EMID1: variants seen among roughly 807,000 people sequenced by gnomAD.
EMID1 encodes EMI domain-containing protein 1.
In EMID1, 40 loss-of-function variants were observed where a neutral mutation model predicts 60.6. The ratio of observed to expected loss-of-function variants is 0.66; its 90% CI spans 0.51 to 0.86. EMID1 has a LOEUF of 0.86. EMID1 is among the 40% of genes least tolerant of loss of function. The pLI, the probability that EMID1 is intolerant of heterozygous loss-of-function variation, is 0.00. For missense variants in EMID1, 585 were observed against 597.1 expected, an observed-to-expected ratio of 0.98 and a Z score of 0.21; for synonymous variants, 242 against 231.0, an observed-to-expected ratio of 1.05 and a Z score of -0.43.
At chr22:29,254,112 A>T in intron 13 of EMID1, 91 bp from the exon 14 acceptor site, 2 of 1,595,864 alleles carry the variant, frequency 1.3e-6, no homozygotes, top group South Asian at 2.2e-5. Context: ...CTGCAGGTGC[A>T]TGTCCCGGGT....
chr22:29,227,381 C>T (rs1325886763), intron 5 of EMID1, among the ~76,000 whole-genome samples: 3 of 151,354 alleles, frequency 2.0e-5, no homozygotes, highest in Non-Finnish European at 2.9e-5. Context: ...TGAGCCGCTG[C>T]GCTGCCATAA....
At position 29,234,173 on chromosome 22, in the gene EMID1, G is replaced by A. The variant is rs985890643; in HGVS notation, c.1003G>A (p.Gly335Ser). The change falls in exon 11 of 15, where the codon GGC (glycine) becomes AGC (serine). Residue 335 changes from glycine (G) to serine (S), a missense_variant. Transcript: ENST00000334018. ...CCCCACTGGACCCAAAGGAATCTCT[G>A]GCCACCCAGGAGAGAAGGGCGAGAG... is the stretch of plus-strand genomic sequence containing the variant. ...PGPTGPKGIS[G>S]HPGEKGERGL... 5 of 1,602,388 alleles carry A rather than the reference G, an allele frequency of 3.1e-6. No individual in the cohort carries two copies. The highest frequency in any genetic ancestry group is 3.4e-5 in the Admixed American group (2 of 58,376).
intron 3 of EMID1, among the ~76,000 whole-genome samples, chr22:29,223,671 T>C (rs1161080643): frequency 6.6e-6 from 1 of 152,172 alleles, no homozygotes; most frequent in Non-Finnish European, 1.5e-5. Context: ...CCTCATTTCC[T>C]CCTAGCGGGG....
chr22:29,246,553 T>G (rs1369350990), intron 13 of EMID1, among the ~76,000 whole-genome samples: 2 of 151,066 alleles, frequency 1.3e-5, no homozygotes, highest in Non-Finnish European at 3.0e-5. Flanking sequence ...CAAAAGGGAG[T>G]GAGGAGTCAA....
At chr22:29,240,587 A>G (rs571446482) in intron 12 of EMID1, among the ~76,000 whole-genome samples, 1 of 152,332 alleles carries the variant, frequency 6.6e-6, no homozygotes, top group South Asian at 2.1e-4. Context: ...GAATGTGTCT[A>G]GACTTGCTGG....
chr22:29,236,428 C>T (rs1245434390), intron 12 of EMID1, among the ~76,000 whole-genome samples: 1 of 152,158 alleles, frequency 6.6e-6, no homozygotes, highest in Non-Finnish European at 1.5e-5. Context: ...CGGTGGCTCA[C>T]ACCTGTAATC....
At chr22:29,218,255 T>G (rs1280043463) in intron 3 of EMID1, among the ~76,000 whole-genome samples, 1 of 152,268 alleles carries the variant, frequency 6.6e-6, no homozygotes, top group African/African-American at 2.4e-5. Flanking sequence ...CACAGTCAGC[T>G]GCTCAAGAAA....
chr22:29,232,111 G>C (rs1046783746), intron 7 of EMID1, 145 bp from the exon 8 acceptor site: 14 of 857,042 alleles, frequency 1.6e-5, no homozygotes, highest in Non-Finnish European at 2.6e-5. Flanking sequence ...TCATCCCCCT[G>C]TTAGACTACC....
At chr22:29,254,395 G>T (rs1052657427) in intron 14 of EMID1, 108 bp downstream of exon 14, 1 of 1,078,204 alleles carries the variant, frequency 9.3e-7, no homozygotes. Context: ...GGCTGGAGAA[G>T]GTGCCTGCCC....
chr22:29,232,321 C>T lies in EMID1; in HGVS notation c.742C>T (p.Pro248Ser), dbSNP rs377342880. 5.0e-6 allele frequency: 8 copies of T among 1,610,124 alleles called. No individual in the cohort carries two copies. In the African/African-American group the frequency reaches 8.0e-5, roughly 16 times the overall value. ...TGTGGGCACCCCTGGAGAGAGGGGA[C>T]CTCCTGGGCCACCAGGGCCTCCTGG... ...GAVGTPGERG[P>S]PGPPGPPGPP... is the part of the protein sequence containing the mutation. The change falls in exon 8 of 15, where the codon CCT (proline) becomes TCT (serine). Residue 248 changes from proline (P) to serine (S), a missense_variant. Physicochemically the swap from Pro to Ser is moderately conservative, Grantham distance 74. Coordinates refer to ENST00000334018, the MANE Select transcript of EMID1 (RefSeq NM_133455.4).
intron 13 of EMID1, among the ~76,000 whole-genome samples, chr22:29,249,038 A>T (rs1397563888): frequency 6.6e-6 from 1 of 152,082 alleles, no homozygotes; most frequent in Non-Finnish European, 1.5e-5. Context: ...TTTCAAATTC[A>T]TTTAAAAGTA....
chr22:29,236,631 C>G (rs950925728), intron 12 of EMID1, among the ~76,000 whole-genome samples: 2 of 151,732 alleles, frequency 1.3e-5, no homozygotes, highest in Non-Finnish European at 2.9e-5. Context: ...GCGGAGGTTG[C>G]AGTGGGCCAA....
chr22:29,249,707 T>C (rs1420963178), intron 13 of EMID1, among the ~76,000 whole-genome samples: 3 of 152,074 alleles, frequency 2.0e-5, no homozygotes, highest in Non-Finnish European at 4.4e-5. Context: ...CTCTGCCTCC[T>C]GGGTTTAAGC....
chr22:29,224,954 GC>G (rs1182346666), intron 3 of EMID1, among the ~76,000 whole-genome samples, 178 bp from the exon 4 acceptor site: 1 of 152,202 alleles, frequency 6.6e-6, no homozygotes, highest in Non-Finnish European at 1.5e-5. Context: ...CAGGTGGCCA[GC>G]CTTGCTCTAG....
chr22:29,254,603 G>C (rs2041639224), intron 14 of EMID1: 3 of 307,386 alleles, frequency 9.8e-6, no homozygotes, highest in African/African-American at 6.5e-5. Context: ...AAGAAATTAT[G>C]GGCAATGGAA....
intron 13 of EMID1, among the ~76,000 whole-genome samples, chr22:29,244,192 A>G (rs767041017): frequency 6.6e-6 from 1 of 152,208 alleles, no homozygotes; most frequent in Non-Finnish European, 1.5e-5. Flanking sequence ...GGAAGCCTAG[A>G]AACTCTCACA....
chr22:29,215,036 G>A lies in EMID1; in HGVS notation c.212G>A (p.Ser71Asn). 6.5e-7 allele frequency: 1 copy of A among 1,534,294 alleles called. No homozygotes were observed. The highest frequency in any genetic ancestry group is 8.8e-7 in the Non-Finnish European group (1 of 1,135,140). The change falls in exon 2 of 15, where the codon AGC becomes AAC. Residue 71 changes from serine (S) to asparagine (N), a missense_variant. Transcript: ENST00000334018. The part of the protein sequence containing the change: ...NCPWPMSCPG[S>N]SYRTVVRPTY... ...CCCTGGCCCATGAGCTGTCCGGGGA[G>A]CAGGTAAATGAGGTGGAGAAGGAAC...
At chr22:29,223,482 T>A (rs2040378099) in intron 3 of EMID1, among the ~76,000 whole-genome samples, 1 of 152,208 alleles carries the variant, frequency 6.6e-6, no homozygotes, top group Admixed American at 6.5e-5. Context: ...GAGGGCTTGG[T>A]GAGACTGTTC....
intron 4 of EMID1, among the ~76,000 whole-genome samples, chr22:29,225,921 G>A (rs1396692002): frequency 6.6e-6 from 1 of 152,188 alleles, no homozygotes; most frequent in African/African-American, 2.4e-5. Context: ...GGTGCTGGAT[G>A]GTGGGTCAGG....
Sources: gnomAD v4.1 joint callset for allele counts (sites outside exome capture counted in the v4.1 genomes callset) on GRCh38, gnomAD v4.1.1 for gene constraint, MANE v1.5 for transcripts, NCBI Gene and HGNC (gene_info 2026-07-23, HGNC 2026-07-21) for gene names.